DCUN1D4: variants seen among roughly 807,000 people sequenced by gnomAD.
DCUN1D4 encodes DCN1-like protein 4.
A neutral mutation model predicts 47.9 loss-of-function variants in DCUN1D4; 22 were observed. The observed-to-expected ratio is 0.46, with a 90% confidence interval of 0.33 to 0.66. The LOEUF (loss-of-function observed/expected upper bound fraction) is 0.66, where lower values mean the gene tolerates loss of function less well. Ranked by LOEUF, DCUN1D4 falls within the 30% of genes least tolerant of loss-of-function variation. The pLI is 0.02. For missense variants in DCUN1D4, 301 were observed against 340.8 expected (o/e 0.88, Z 0.92); for synonymous variants, 121 against 112.2 (o/e 1.08, Z -0.50).
intron 3 of DCUN1D4, among the ~76,000 whole-genome samples, chr4:51,870,141 T>C (rs763760085): frequency 3.9e-5 from 6 of 152,210 alleles, no homozygotes; most frequent in Non-Finnish European, 7.4e-5. Flanking sequence ...AAATAGCTCA[T>C]TTTCTGAAGC....
At chr4:51,884,750 C>T (rs565105695) in intron 5 of DCUN1D4, among the ~76,000 whole-genome samples, 1 of 152,238 alleles carries the variant, frequency 6.6e-6, no homozygotes, top group East Asian at 1.9e-4. Flanking sequence ...TGCGAGGGGT[C>T]ACAGTACTGC....
intron 7 of DCUN1D4, among the ~76,000 whole-genome samples, chr4:51,897,735 G>A (rs1441067255): frequency 6.6e-6 from 1 of 152,212 alleles, no homozygotes; most frequent in Non-Finnish European, 1.5e-5. Flanking sequence ...GTGCCAGAAA[G>A]CAAGGAAATG....
At position 51,916,624 on chromosome 4, in the gene DCUN1D4, G is replaced by C. The variant is rs1734350210; in HGVS notation, c.*3040G>C. ...AAAATAATTTCTATTGGGGGTTACT[G>C]TTCAATGACAGCAGGTAACCTATAA... is the stretch of plus-strand genomic sequence containing the variant. On this transcript the variant is annotated 3_prime_UTR_variant, in exon 11 of 11. Transcript: ENST00000334635. 6.6e-6 allele frequency: 1 copy of C among 152,526 alleles called. No individual in the cohort carries two copies. The highest frequency in any genetic ancestry group is 1.5e-5 in the Non-Finnish European group (1 of 67,998). The allele number at this position is 152,526 out of a possible 1,614,324, so 9.4% of individuals were successfully genotyped here.
rs1317514130 is a variant in DCUN1D4, at chr4:51,843,203, C to T, written c.-40C>T. The T allele has an allele frequency of 6.5e-7, 1 of 1,537,444 alleles. No individual in the cohort carries two copies. The highest frequency in any genetic ancestry group is 1.9e-4 in the Middle Eastern group (1 of 5,244). ...TGGTGGGGGGACCGCGAGGCGAGCGCGGGAGCCTGGGCGGCGAGCCGGGTG... is the reference window on the plus strand; with the variant it reads ...TGGTGGGGGGACCGCGAGGCGAGCGTGGGAGCCTGGGCGGCGAGCCGGGTG... On this transcript the variant is annotated 5_prime_UTR_variant, in exon 1 of 11. Coordinates refer to ENST00000334635, the MANE Select transcript of DCUN1D4 (RefSeq NM_001040402.3).
the DCUN1D4 span, among the ~76,000 whole-genome samples, chr4:51,834,231 C>T: frequency 3.4e-5 from 5 of 147,304 alleles, no homozygotes; most frequent in Non-Finnish European, 5.9e-5. Context: ...GGGAATGAGA[C>T]GTTGGAAAAG....
chr4:51,879,102 CT>C (rs1392542221), intron 5 of DCUN1D4, among the ~76,000 whole-genome samples: 3 of 152,144 alleles, frequency 2.0e-5, no homozygotes. Flanking sequence ...CTTCTTTGGA[CT>C]TTTATGAGCT....
intron 6 of DCUN1D4, among the ~76,000 whole-genome samples, chr4:51,888,522 C>T (rs1729890270): frequency 6.6e-6 from 1 of 150,872 alleles, no homozygotes; most frequent in Non-Finnish European, 1.5e-5. Flanking sequence ...AGGCGGATCA[C>T]CTGAGGTCAG....
intron 1 of DCUN1D4, 105 bp downstream of exon 1, chr4:51,843,372 G>A (rs1721896896): frequency 1.4e-5 from 19 of 1,387,866 alleles, no homozygotes; most frequent in Middle Eastern, 5.0e-4. Flanking sequence ...GAAACGCGCC[G>A]GGAGCCCCTG....
At chr4:51,885,977 A>C (rs1254248439) in intron 5 of DCUN1D4, among the ~76,000 whole-genome samples, 2 of 152,240 alleles carry the variant, frequency 1.3e-5, no homozygotes, top group African/African-American at 4.8e-5. Context: ...AAAGAATTTC[A>C]GTGGAGAGCT....
At chr4:51,894,542 A>G (rs1363917793) in intron 7 of DCUN1D4, among the ~76,000 whole-genome samples, 1 of 152,190 alleles carries the variant, frequency 6.6e-6, no homozygotes, top group Admixed American at 6.5e-5. Context: ...CAGACAAAAG[A>G]TCCAGAAGTC....
chr4:51,848,062 A>G, intron 1 of DCUN1D4: 1 of 537,422 alleles, frequency 1.9e-6, no homozygotes, highest in South Asian at 2.0e-5. Context: ...TTATCTAGAA[A>G]AATTAATTCT....
intron 9 of DCUN1D4, among the ~76,000 whole-genome samples, chr4:51,912,664 C>T (rs896734239): frequency 6.6e-6 from 1 of 152,170 alleles, no homozygotes; most frequent in Non-Finnish European, 1.5e-5. Context: ...AATAGAAAAA[C>T]GATTTCACAG....
At chr4:51,891,099 T>C (rs1312545383) in intron 6 of DCUN1D4, among the ~76,000 whole-genome samples, 1 of 152,264 alleles carries the variant, frequency 6.6e-6, no homozygotes, top group Non-Finnish European at 1.5e-5. Context: ...ATATAGTGAA[T>C]TCACAAACAT....
intron 1 of DCUN1D4, among the ~76,000 whole-genome samples, chr4:51,852,610 G>A (rs779710892): frequency 1.4e-4 from 22 of 152,130 alleles, no homozygotes; most frequent in Admixed American, 9.2e-4. Flanking sequence ...TCTTTTTGTA[G>A]TTCTAGGTTC....
intron 6 of DCUN1D4, among the ~76,000 whole-genome samples, chr4:51,891,003 C>G (rs1324406637): frequency 1.3e-5 from 2 of 152,206 alleles, no homozygotes; most frequent in African/African-American, 4.8e-5. Flanking sequence ...GTGATGACAC[C>G]ATGCCACAGA....
chr4:51,870,467 T>G (rs867623580), intron 3 of DCUN1D4, among the ~76,000 whole-genome samples: 4 of 152,206 alleles, frequency 2.6e-5, no homozygotes, highest in Non-Finnish European at 4.4e-5. Context: ...GATGGTGTTT[T>G]ATTTACTCAT....
At chr4:51,910,442 C>A (rs1733552097) in intron 8 of DCUN1D4, among the ~76,000 whole-genome samples, 1 of 152,146 alleles carries the variant, frequency 6.6e-6, no homozygotes. Flanking sequence ...AGAAATCTAT[C>A]TATCTATCTG....
At chr4:51,889,115 G>C (rs1460504456) in intron 6 of DCUN1D4, among the ~76,000 whole-genome samples, 1 of 151,034 alleles carries the variant, frequency 6.6e-6, no homozygotes, top group African/African-American at 2.4e-5. Flanking sequence ...TCTCGAAAAA[G>C]AAAAAAAAGA....
chr4:51,841,262 T>TAC (rs1464517246), upstream of DCUN1D4, among the ~76,000 whole-genome samples: 3 of 152,280 alleles, frequency 2.0e-5, no homozygotes, highest in East Asian at 5.8e-4. Context: ...TCATAAATAT[T>TAC]ACACACACAA....
Sources: gnomAD v4.1 joint callset for allele counts (sites outside exome capture counted in the v4.1 genomes callset) on GRCh38, gnomAD v4.1.1 for gene constraint, MANE v1.5 for transcripts, NCBI Gene and HGNC (gene_info 2026-07-23, HGNC 2026-07-21) for gene names.